The following PSD3 variants were observed in gnomAD, a reference collection of about 807,000 sequenced individuals.
PSD3 encodes the protein PH and SEC7 domain-containing protein 3.
A neutral mutation model predicts 105.5 loss-of-function variants in PSD3; 49 were observed. The observed-to-expected ratio is 0.46, with a 90% CI of 0.37 to 0.59. PSD3 has a LOEUF of 0.59. Among genes scored for constraint, PSD3 ranks in the 20% least tolerant of loss-of-function variants. PSD3 has a pLI of 0.00. For synonymous variants in PSD3, 557 were observed against 457.8 expected (o/e 1.22, Z -2.77); for missense variants, 1,561 against 1,263.8 (o/e 1.24, Z -3.57).
chr8:19,031,050 A>T (rs149775710), intron 1 of PSD3, among the ~76,000 whole-genome samples: 265 of 152,290 alleles, frequency 1.7e-3, no homozygotes, highest in Middle Eastern at 3.4e-3. Context: ...CTATGCTACC[A>T]GTTCTGGCAA....
chr8:18,655,589 T>C, intron 10 of PSD3, 53 bp downstream of exon 10: 1 of 1,518,344 alleles, frequency 6.6e-7, no homozygotes, highest in Non-Finnish European at 9.1e-7. Flanking sequence ...ATAAAGACAG[T>C]AGGAAAAAAG....
chr8:18,733,136 C>CT (rs1803891643), intron 9 of PSD3: 1 of 152,146 alleles, frequency 6.6e-6, no homozygotes, highest in Non-Finnish European at 1.5e-5. Flanking sequence ...CCACTTACTG[C>CT]TTTTTCTTAT....
At chr8:18,876,138 G>C (rs1248770897) in intron 2 of PSD3, among the ~76,000 whole-genome samples, 3 of 151,970 alleles carry the variant, frequency 2.0e-5, no homozygotes, top group Non-Finnish European at 2.9e-5. Context: ...TGGTTCCCAG[G>C]CTGGTCTCAA....
At chr8:18,820,632 T>C (rs890045565) in intron 4 of PSD3, among the ~76,000 whole-genome samples, 9 of 150,690 alleles carry the variant, frequency 6.0e-5, no homozygotes, top group African/African-American at 2.2e-4. Context: ...ACATTCTCAG[T>C]AGAGATGCAA....
chr8:19,022,377 TCTCA>T (rs1253182142), intron 1 of PSD3, among the ~76,000 whole-genome samples: 1 of 152,172 alleles, frequency 6.6e-6, no homozygotes, highest in Non-Finnish European at 1.5e-5. Context: ...CCTTGCCCTC[TCTCA>T]CCCACCCTAC....
intron 1 of PSD3, among the ~76,000 whole-genome samples, chr8:19,034,867 T>C (rs141590996): frequency 6.6e-6 from 1 of 152,302 alleles, no homozygotes; most frequent in Non-Finnish European, 1.5e-5. Context: ...AGATAGTGAC[T>C]GTCTCTTCTC....
intron 1 of PSD3, among the ~76,000 whole-genome samples, chr8:19,068,775 AG>A (rs1829159779): frequency 6.8e-6 from 1 of 146,802 alleles, no homozygotes; most frequent in Non-Finnish European, 1.5e-5. Flanking sequence ...AAAAAAAAAA[AG>A]AACTGACACT....
At chr8:18,556,937 A>T (rs1196927553) in intron 14 of PSD3, among the ~76,000 whole-genome samples, 2 of 152,204 alleles carry the variant, frequency 1.3e-5, no homozygotes, top group African/African-American at 2.4e-5. Context: ...CTTCAACTTG[A>T]TTGGCCCAAA....
intron 2 of PSD3, among the ~76,000 whole-genome samples, chr8:18,915,390 TGTC>T (rs1184279488): frequency 1.3e-5 from 2 of 152,110 alleles, no homozygotes; most frequent in African/African-American, 4.8e-5. Context: ...AGGAAACAAT[TGTC>T]AGGGTGAAAA....
chr8:18,917,113 C>T (rs111492223), intron 2 of PSD3, among the ~76,000 whole-genome samples: 1 of 152,236 alleles, frequency 6.6e-6, no homozygotes, highest in African/African-American at 2.4e-5. Context: ...AAACTACCCT[C>T]AATGCCTTCA....
In PSD3 at chr8:18,583,116, G is replaced by A. The variant is rs543576413; in HGVS notation, c.2482-7831C>T. Reference sequence around the variant, plus strand: ...GTTGGGATTACAGGCGTGAGCCACCGCATCTGACCCAGATTGATCTTTTTA... The same window carrying A: ...GTTGGGATTACAGGCGTGAGCCACCACATCTGACCCAGATTGATCTTTTTA... On this transcript the variant is annotated intron_variant, in intron 12 of 15. Transcript: ENST00000327040. Among the ~76,000 whole-genome samples the A allele has an allele frequency of 7.3e-4, 111 of 152,148 alleles. 1 individual carries two copies. Among genetic ancestry groups the A allele is most frequent in the Admixed American group, 1.7e-3 (26 of 15,292 alleles).
intron 1 of PSD3, among the ~76,000 whole-genome samples, chr8:19,069,708 A>C (rs56767702): frequency 0.094 from 14,362 of 152,230 alleles, 844 homozygotes; most frequent in Middle Eastern, 0.18. Flanking sequence ...AGTACAAAGA[A>C]AGTGAGGCTC....
intron 15 of PSD3, among the ~76,000 whole-genome samples, chr8:18,537,337 C>T (rs1020326748): frequency 6.6e-6 from 1 of 152,168 alleles, no homozygotes; most frequent in African/African-American, 2.4e-5. Flanking sequence ...CCAAGGCAAT[C>T]TGAGTTCAAA....
intron 2 of PSD3, among the ~76,000 whole-genome samples, chr8:18,899,799 T>TTGGTATCTG (rs200676373): frequency 0.047 from 7,125 of 152,200 alleles, 202 homozygotes; most frequent in South Asian, 0.081. Context: ...AACCCAAAGA[T>TTGGTATCTG]TGGTATCTGT....
intron 11 of PSD3, among the ~76,000 whole-genome samples, chr8:18,606,276 T>G (rs899841908): frequency 2.0e-5 from 3 of 152,152 alleles, no homozygotes; most frequent in African/African-American, 7.2e-5. Context: ...TCTCTGTACT[T>G]GTGTGCTAAA....
chr8:18,565,943 C>T (rs574847057), intron 14 of PSD3, among the ~76,000 whole-genome samples: 11 of 152,188 alleles, frequency 7.2e-5, no homozygotes, highest in Non-Finnish European at 1.0e-4. Context: ...CAGAGGCCCT[C>T]ACGACAAAGA....
At chr8:18,649,567 A>G (rs1243129125) in intron 10 of PSD3, among the ~76,000 whole-genome samples, 1 of 152,198 alleles carries the variant, frequency 6.6e-6, no homozygotes, top group African/African-American at 2.4e-5. Context: ...TAAGGCTGAA[A>G]TGAGTTAAGA....
intron 15 of PSD3, among the ~76,000 whole-genome samples, chr8:18,550,042 A>T (rs774525933): frequency 5.9e-5 from 9 of 152,154 alleles, no homozygotes; most frequent in Non-Finnish European, 1.0e-4. Context: ...TAATTTTATG[A>T]TTTTTGTCTC....
At chr8:18,600,521 C>A (rs1804358524) in intron 11 of PSD3, 87 bp from the exon 12 acceptor site, 1 of 1,098,380 alleles carries the variant, frequency 9.1e-7, no homozygotes, top group Non-Finnish European at 1.3e-6. Context: ...GACAGTGTTT[C>A]AATATTCTAC....
Sources: gnomAD v4.1 joint callset for allele counts (sites outside exome capture counted in the v4.1 genomes callset) on GRCh38, gnomAD v4.1.1 for gene constraint, MANE v1.5 for transcripts, NCBI Gene and HGNC (gene_info 2026-07-23, HGNC 2026-07-21) for gene names.